MTAP: variants seen among roughly 807,000 people sequenced by gnomAD.
The protein encoded by MTAP is methylthioadenosine phosphorylase.
Under a neutral mutation model 33.6 loss-of-function variants are expected in MTAP, and 33 were observed. The observed-to-expected ratio is 0.98, with a 90% CI of 0.74 to 1.31. The LOEUF (loss-of-function observed/expected upper bound fraction) is 1.31, where lower values mean the gene tolerates loss of function less well. Ranked by LOEUF, MTAP falls within the 40% of genes most tolerant of loss-of-function variation. The probability of loss-of-function intolerance (pLI) is 0.00; values close to 1 mark genes in which losing one functional copy is unlikely to be tolerated. For synonymous variants in MTAP, 148 were observed against 125.7 expected, an observed-to-expected ratio of 1.18 and a Z score of -1.19; for missense variants, 367 against 360.0, an observed-to-expected ratio of 1.02 and a Z score of -0.16.
chr9:21,930,037 G>C (rs1818931510), intron 1 of MTAP: 2 of 410,622 alleles, frequency 4.9e-6, no homozygotes, highest in African/African-American at 4.1e-5. Context: ...AGTTTTGCCA[G>C]CAATGCCCAA....
chr9:21,823,506 T>G (rs1824702672), intron 4 of MTAP, among the ~76,000 whole-genome samples: 1 of 152,242 alleles, frequency 6.6e-6, no homozygotes, highest in African/African-American at 2.4e-5. Flanking sequence ...GGGCTTCCCT[T>G]GTGGGTAACC....
chr9:21,881,197 G>T (rs1275834026), intron 1 of MTAP, among the ~76,000 whole-genome samples: 2 of 151,848 alleles, frequency 1.3e-5, no homozygotes, highest in Admixed American at 6.6e-5. Flanking sequence ...GTGAAAACTG[G>T]ATATGCAAAT....
intron 1 of MTAP, chr9:21,811,484 G>A (rs996722762): frequency 9.3e-6 from 2 of 214,648 alleles, no homozygotes; most frequent in African/African-American, 4.7e-5. Context: ...CTTTCTTTGG[G>A]GTGTCTTTAG....
At chr9:21,931,279 A>G, downstream of MTAP, 3 of 588,648 alleles carry the variant, frequency 5.1e-6, no homozygotes, top group Non-Finnish European at 6.1e-6. Flanking sequence ...ACCTTCATCC[A>G]GTTTCCCAAA....
At chr9:21,861,588 A>G (rs1825754486) in intron 7 of MTAP, 2 of 179,174 alleles carry the variant, frequency 1.1e-5, no homozygotes, top group African/African-American at 2.4e-5. Context: ...AAGAGTTGTG[A>G]TGATGATCCT....
intron 1 of MTAP, among the ~76,000 whole-genome samples, chr9:21,909,454 CA>C (rs949685445): frequency 1.1e-4 from 16 of 151,960 alleles, no homozygotes; most frequent in Non-Finnish European, 2.4e-4. Context: ...TTTTGCTGTT[CA>C]GTATAGAGCT....
chr9:21,902,821 A>C (rs1267860302), intron 1 of MTAP, among the ~76,000 whole-genome samples: 1 of 152,208 alleles, frequency 6.6e-6, no homozygotes, highest in African/African-American at 2.4e-5. Context: ...TATTACCTTT[A>C]AGGGCTGTTA....
At chr9:21,829,836 A>G (rs1160821094) in intron 4 of MTAP, among the ~76,000 whole-genome samples, 2 of 152,148 alleles carry the variant, frequency 1.3e-5, no homozygotes, top group African/African-American at 2.4e-5. Context: ...GAAACATTAG[A>G]TTTCTTCTCT....
chr9:21,823,248 T>A (rs1824694419), intron 4 of MTAP, among the ~76,000 whole-genome samples: 1 of 152,180 alleles, frequency 6.6e-6, no homozygotes, highest in African/African-American at 2.4e-5. Context: ...TTTTGGCATG[T>A]TTTTGCAGTG....
intron 1 of MTAP, among the ~76,000 whole-genome samples, chr9:21,897,981 A>G (rs1818326017): frequency 6.6e-6 from 1 of 152,210 alleles, no homozygotes; most frequent in African/African-American, 2.4e-5. Flanking sequence ...ACTTCAAACT[A>G]TACTACAAGG....
intron 1 of MTAP, among the ~76,000 whole-genome samples, chr9:21,898,059 G>A (rs1247116397): frequency 1.3e-5 from 2 of 152,150 alleles, no homozygotes; most frequent in Admixed American, 6.5e-5. Flanking sequence ...ACAGAATAGA[G>A]CCCGTGGAAA....
At chr9:21,882,363 T>C (rs1818029903) in intron 1 of MTAP, among the ~76,000 whole-genome samples, 1 of 152,022 alleles carries the variant, frequency 6.6e-6, no homozygotes, top group Non-Finnish European at 1.5e-5. Context: ...CTTTAAAAAG[T>C]TTTATTCTCA....
chr9:21,939,274 G>C (rs1439583129), downstream of MTAP, among the ~76,000 whole-genome samples: 1 of 152,184 alleles, frequency 6.6e-6, no homozygotes, highest in Admixed American at 6.5e-5. Flanking sequence ...TTTATCAGCA[G>C]TGTGAAAACG....
chr9:21,925,082 C>G (rs1818847679), intron 1 of MTAP, among the ~76,000 whole-genome samples: 1 of 152,166 alleles, frequency 6.6e-6, no homozygotes, highest in Non-Finnish European at 1.5e-5. Flanking sequence ...TGGGTCAGCC[C>G]CAATTGGGAT....
At chr9:21,902,507 G>C (rs930622088) in intron 1 of MTAP, among the ~76,000 whole-genome samples, 2 of 152,192 alleles carry the variant, frequency 1.3e-5, no homozygotes, top group African/African-American at 4.8e-5. Flanking sequence ...CATGACAAAT[G>C]TGACAATAAC....
chr9:21,931,143 G>T (rs960597170), exon 2 of MTAP: 1 of 756,538 alleles, frequency 1.3e-6, no homozygotes, highest in South Asian at 1.4e-5. Context: ...GTCTCCCTTA[G>T]ACCTGGCTGG....
At chr9:21,923,217 T>TAGAA (rs1244594347) in intron 1 of MTAP, among the ~76,000 whole-genome samples, 1 of 152,222 alleles carries the variant, frequency 6.6e-6, no homozygotes, top group African/African-American at 2.4e-5. Context: ...AGACACTAAT[T>TAGAA]AGAACCCCAG....
At chr9:21,823,309 G>C (rs1563834561) in intron 4 of MTAP, among the ~76,000 whole-genome samples, 1 of 152,128 alleles carries the variant, frequency 6.6e-6, no homozygotes, top group Non-Finnish European at 1.5e-5. Flanking sequence ...GGCAGGCATG[G>C]TGGTGACAAA....
At chr9:21,874,311 C>A (rs367697663) in intron 1 of MTAP, among the ~76,000 whole-genome samples, 6 of 152,176 alleles carry the variant, frequency 3.9e-5, no homozygotes, top group African/African-American at 1.2e-4. Flanking sequence ...TGAATATTTC[C>A]ATGATAAGAA....
Sources: gnomAD v4.1 joint callset for allele counts (sites outside exome capture counted in the v4.1 genomes callset) on GRCh38, gnomAD v4.1.1 for gene constraint, MANE v1.5 for transcripts, NCBI Gene and HGNC (gene_info 2026-07-23, HGNC 2026-07-21) for gene names.